GGCX: variants seen among roughly 807,000 people sequenced by gnomAD.
GGCX encodes vitamin K-dependent gamma-carboxylase.
In GGCX, 63 loss-of-function variants were observed where a neutral mutation model predicts 88.5. The ratio of observed to expected loss-of-function variants is 0.71; its 90% CI spans 0.58 to 0.88. The LOEUF (loss-of-function observed/expected upper bound fraction) is 0.88. Among genes scored for constraint, GGCX ranks in the 40% least tolerant of loss-of-function variants. The probability of loss-of-function intolerance (pLI) is 0.00; values close to 1 mark genes in which losing one functional copy is unlikely to be tolerated. For missense variants in GGCX, 805 were observed against 932.9 expected (o/e 0.86, Z 1.79); for synonymous variants, 368 against 365.8 (o/e 1.01, Z -0.07).
chr2:85,555,309 G>C (rs1692163678), intron 6 of GGCX, 175 bp downstream of exon 6: 2 of 589,172 alleles, frequency 3.4e-6, no homozygotes, highest in African/African-American at 1.9e-5. Context: ...AGAGCAGCTA[G>C]GGCTCAATCT....
chr2:85,558,912 C>T lies in GGCX; in HGVS notation c.373+5G>A. 1 of 1,613,144 alleles carries T rather than the reference C, an allele frequency of 6.2e-7. No homozygotes were observed. Among genetic ancestry groups the T allele is most frequent in the Non-Finnish European group, 8.5e-7 (1 of 1,179,132 alleles). The stretch of plus-strand genomic sequence containing the variant: ...CCAGTCAATATTTCCCACAGTTCCC[C>T]TCACCCAGAAACATGATGGTGTAGA... On this transcript the variant is annotated splice_donor_5th_base_variant and intron_variant, in intron 3 of 14. Coordinates refer to ENST00000233838, the MANE Select transcript of GGCX (RefSeq NM_000821.7).
rs754215336 is a variant in GGCX at position 85,550,915 on chromosome 2, A to G, written c.1888+10T>C. 4 of 1,613,920 alleles carry G rather than the reference A, an allele frequency of 2.5e-6. No individual in the cohort carries two copies. Among genetic ancestry groups the G allele is most frequent in the Non-Finnish European group, 3.4e-6 (4 of 1,179,820 alleles). ...AGAGGCTATCTCAGCCCAAATGTTC[A>G]TACACTCACCACTTCCATTCTCCAC... On this transcript the variant is annotated intron_variant, in intron 13 of 14. Coordinates refer to ENST00000233838, the MANE Select transcript of GGCX (RefSeq NM_000821.7).
intron 7 of GGCX, chr2:85,553,868 T>TAGGG: frequency 2.0e-6 from 1 of 499,558 alleles, no homozygotes; most frequent in Non-Finnish European, 3.6e-6. Flanking sequence ...CCCAAAGTGC[T>TAGGG]AGGATTACAA....
Position 85,548,040 on chromosome 2 carries a change from T to C in GGCX, c.*1894A>G, listed in dbSNP as rs988398693. 6.6e-6 allele frequency: 1 copy of C among 152,058 alleles called. No homozygotes were observed. Among genetic ancestry groups the C allele is most frequent in the African/African-American group, 2.4e-5 (1 of 41,398 alleles). The allele number at this position is 152,058 out of a possible 1,614,324, so 9.4% of individuals were successfully genotyped here. A position where few individuals can be genotyped will look rare whatever the true frequency, so the allele number is the denominator to read the frequency against. ...TGGGAAACCATGTCTCTACTAAAAATACAAAAATTAGTTGGGCGTGGTGGT... is the reference window on the plus strand; with the variant it reads ...TGGGAAACCATGTCTCTACTAAAAACACAAAAATTAGTTGGGCGTGGTGGT... On this transcript the variant is annotated 3_prime_UTR_variant, in exon 15 of 15. Coordinates refer to ENST00000233838, the MANE Select transcript of GGCX (RefSeq NM_000821.7).
At position 85,552,421 on chromosome 2, in the gene GGCX, CTGGAA is replaced by C; in HGVS notation, c.1429_1433del (p.Phe477AlafsTer5). 6.2e-7 allele frequency: 1 copy of C among 1,613,964 alleles called. No homozygotes were observed. The stretch of plus-strand genomic sequence containing the variant: ...TCTCTGCTCCCCTTGCCCACCTCTG[CTGGAA>C]GCGGTCATTGATGGAGACCCAAATA... On this transcript the variant is annotated frameshift_variant, in exon 10 of 15. Coordinates refer to ENST00000233838, the MANE Select transcript of GGCX (RefSeq NM_000821.7). LOFTEE classifies it high-confidence loss of function.
intron 5 of GGCX, 89 bp downstream of exon 5, chr2:85,556,093 G>T: frequency 1.2e-6 from 1 of 820,766 alleles, no homozygotes; most frequent in Non-Finnish European, 2.2e-6. Context: ...GATCCAGGGA[G>T]GCAGCGGAGA....
At chr2:85,561,263 C>G in intron 1 of GGCX, 123 bp downstream of exon 1, 7 of 671,876 alleles carry the variant, frequency 1.0e-5, no homozygotes, top group Non-Finnish European at 1.8e-5. Flanking sequence ...ACAGCACGCC[C>G]CCTTCCCCAC....
At position 85,550,585 on chromosome 2, in the gene GGCX, A is replaced by C; in HGVS notation, c.2054T>G (p.Leu685Trp). 6.2e-7 allele frequency: 1 copy of C among 1,614,062 alleles called. No individual in the cohort carries two copies. The highest frequency in any genetic ancestry group is 8.5e-7 in the Non-Finnish European group (1 of 1,179,876). The change falls in exon 14 of 15, where the codon TTG becomes TGG. Residue 685 changes from leucine (L) to tryptophan (W), a missense_variant. Physicochemically the swap from Leu to Trp is moderately conservative, Grantham distance 61. Around this residue, in one of 3 missense-constraint regions of GGCX, gnomAD observed 680 missense variants for 763.7 expected, o/e 0.89. Transcript: ENST00000233838. Reference sequence around the variant, plus strand: ...GCGAAAGACATAGAGCTTTCGCAACAAGAAGCGGAAGAATCGCTCATGGAA... The same window carrying C: ...GCGAAAGACATAGAGCTTTCGCAACCAGAAGCGGAAGAATCGCTCATGGAA... Reference protein sequence around the residue: ...TPFHERFFRFLLRKLYVFRRS... With the variant: ...TPFHERFFRFWLRKLYVFRRS...
Position 85,549,971 on chromosome 2 carries a change from G to A in GGCX, c.2240C>T (p.Pro747Leu), listed in dbSNP as rs1691853253. The A allele has an allele frequency of 6.2e-7, 1 of 1,613,778 alleles. No homozygotes were observed. The highest frequency in any genetic ancestry group is 8.5e-7 in the Non-Finnish European group (1 of 1,179,766). Reference sequence around the variant, plus strand: ...GTGGACAGGATCAGGATTTGACTCAGGAGGATTAGAATGTGAAGAATCCGT... The same window carrying A: ...GTGGACAGGATCAGGATTTGACTCAAGAGGATTAGAATGTGAAGAATCCGT... Reference protein sequence around the residue: ...SNTDSSHSNPPESNPDPVHSE... With the variant: ...SNTDSSHSNPLESNPDPVHSE... Residue 747 changes from proline to leucine, a missense_variant, in exon 15 of 15, where the codon CCT (proline) becomes CTT (leucine). Around this residue, in one of 3 missense-constraint regions of GGCX, gnomAD observed 680 missense variants for 763.7 expected, o/e 0.89. Coordinates refer to ENST00000233838, the MANE Select transcript of GGCX (RefSeq NM_000821.7).
chr2:85,558,079 C>T (rs1031929586), intron 4 of GGCX, among the ~76,000 whole-genome samples: 4 of 152,216 alleles, frequency 2.6e-5, no homozygotes, highest in Non-Finnish European at 4.4e-5. Flanking sequence ...CCCTTCTGGA[C>T]TCACACAGAG....
rs1470656944 is a variant in GGCX, at chr2:85,548,910, T to C, written c.*1024A>G. On this transcript the variant is annotated 3_prime_UTR_variant, in exon 15 of 15. Coordinates refer to ENST00000233838, the MANE Select transcript of GGCX (RefSeq NM_000821.7). Reference sequence around the variant, plus strand: ...ATACTAAGCTTATTTTTAGAGAAAATCTAGCAATCATCTAGATTTCCTTAT... The same window carrying C: ...ATACTAAGCTTATTTTTAGAGAAAACCTAGCAATCATCTAGATTTCCTTAT... 3 of 152,180 alleles carry C rather than the reference T, an allele frequency of 2.0e-5. No homozygotes were observed. Among genetic ancestry groups the C allele is most frequent in the Non-Finnish European group, 4.4e-5 (3 of 68,036 alleles). The allele number at this position is 152,180 out of a possible 1,614,324, so 9.4% of individuals were successfully genotyped here.
rs1201322490 is a variant in GGCX, at chr2:85,552,988, A to G, written c.1238T>C (p.Ile413Thr). ...VHSRSHQHVK[I>T]TYRDGRTGEL... ...GCCAGTGCGGCCATCACGGTAGGTG[A>G]TCTTCACGTGCTGGTGGGAGCGGGA... The change falls in exon 9 of 15, where the codon ATC becomes ACC. Residue 413 changes from isoleucine (I) to threonine (T), a missense_variant. By Grantham distance (89) the Ile-to-Thr change is moderately conservative. Transcript: ENST00000233838. The G allele has an allele frequency of 6.2e-7, 1 of 1,614,082 alleles. No homozygotes were observed. The highest frequency in any genetic ancestry group is 8.5e-7 in the Non-Finnish European group (1 of 1,179,930).
rs760747272 is a variant in GGCX, at chr2:85,561,346, C to A, written c.43+40G>T. On this transcript the variant is annotated intron_variant, in intron 1 of 14. Coordinates refer to ENST00000233838, the MANE Select transcript of GGCX (RefSeq NM_000821.7). ...CCCCCGCCCCTCTGAGACCAGCGCT[C>A]CTAGGAACTCTCCGCCGGAGGGCGG... The A allele has an allele frequency of 2.8e-6, 4 of 1,438,440 alleles. No individual in the cohort carries two copies. The South Asian group carries it at 4.9e-5, about 18-fold the overall frequency. The allele number at this position is 1,438,440 out of a possible 1,614,324, so 89.1% of individuals were successfully genotyped here.
chr2:85,558,841 C>A, intron 3 of GGCX, 76 bp downstream of exon 3: 1 of 1,388,996 alleles, frequency 7.2e-7, no homozygotes, highest in Non-Finnish European at 1.0e-6. Context: ...GTGCCAAAGA[C>A]TTTGACCATT....
chr2:85,546,015 A>G lies in GGCX; in HGVS notation c.*3919T>C, dbSNP rs1558800496. 6.6e-6 allele frequency: 1 copy of G among 152,264 alleles called. No homozygotes were observed. Among genetic ancestry groups the G allele is most frequent in the Non-Finnish European group, 1.5e-5 (1 of 68,046 alleles). 9.4% of individuals were successfully genotyped at this position (152,264 alleles called of 1,614,324 possible). ...GGAGCTACATGCATAGAGAATAGCC[A>G]CTTGGATTACATTTCTACCAACATC... is the stretch of plus-strand genomic sequence containing the variant. On this transcript the variant is annotated 3_prime_UTR_variant, in exon 15 of 15. Coordinates refer to ENST00000233838, the MANE Select transcript of GGCX (RefSeq NM_000821.7).
chr2:85,558,455 T>G lies in GGCX; in HGVS notation c.524A>C (p.Asp175Ala). ...TGACTCATACCAGTAGTGGTTTGCA[T>G]CCATGAATGTTAGCTGAAAGGCCAA... ...GLLAFQLTFM[D>A]ANHYWSVDGL... The change falls in exon 4 of 15, where the codon GAT (aspartate) becomes GCT (alanine). Residue 175 changes from aspartate (D) to alanine (A), a missense_variant. Physicochemically the swap from Asp to Ala is moderately radical, Grantham distance 126 (BLOSUM62 -2). This residue lies in a region of GGCX where 680 missense variants were observed against 763.7 expected (regional missense o/e 0.89). Coordinates refer to ENST00000233838, the MANE Select transcript of GGCX (RefSeq NM_000821.7). The G allele has an allele frequency of 6.2e-7, 1 of 1,614,032 alleles. No homozygotes were observed. The highest frequency in any genetic ancestry group is 8.5e-7 in the Non-Finnish European group (1 of 1,179,880).
In GGCX at chr2:85,547,628, C is replaced by A. The variant is rs1424412862; in HGVS notation, c.*2306G>T. The stretch of plus-strand genomic sequence containing the variant: ...AAACAACATAGTGGCAAAGTATCTT[C>A]TATTGTGTTACTATGAGAGAAGATC... On this transcript the variant is annotated 3_prime_UTR_variant, in exon 15 of 15. Coordinates refer to ENST00000233838, the MANE Select transcript of GGCX (RefSeq NM_000821.7). 6.6e-6 allele frequency: 1 copy of A among 152,192 alleles called. No homozygotes were observed. Among genetic ancestry groups the A allele is most frequent in the East Asian group, 1.9e-4 (1 of 5,204 alleles). 9.4% of individuals were successfully genotyped at this position (152,192 alleles called of 1,614,324 possible). A position where few individuals can be genotyped will look rare whatever the true frequency, so the allele number is the denominator to read the frequency against.
At chr2:85,552,677 A>T (rs1039715717) in intron 9 of GGCX, 110 bp from the exon 10 acceptor site, 1 of 1,168,114 alleles carries the variant, frequency 8.6e-7, no homozygotes, top group Non-Finnish European at 1.3e-6. Flanking sequence ...TTCTGGCTAG[A>T]AAAAAATGGA....
At position 85,555,555 on chromosome 2, in the gene GGCX, C is replaced by T. The variant is rs774751096; in HGVS notation, c.654G>A (p.Lys218=). ...AGCCTTCAACCCAGTCTGCATCCAG[C>T]TTTTTCACACCCGCAATGAAGTACA... ...FIVYFIAGVK[K]LDADWVEGYS... Residue 218 remains lysine (K), a synonymous_variant, in exon 6 of 15, where the codon AAG becomes AAA. Coordinates refer to ENST00000233838, the MANE Select transcript of GGCX (RefSeq NM_000821.7). 51 of 1,602,790 alleles carry T rather than the reference C, an allele frequency of 3.2e-5. No homozygotes were observed. The highest frequency in any genetic ancestry group is 4.4e-5 in the Non-Finnish European group (51 of 1,169,838).
Sources: allele counts gnomAD v4.1 joint callset (sites outside exome capture counted in the v4.1 genomes callset), GRCh38; gene constraint gnomAD v4.1.1; regional missense constraint gnomAD v4.1.1; transcripts MANE v1.5; gene names NCBI Gene and HGNC (gene_info 2026-07-23, HGNC 2026-07-21).